The following NEGR1 variants were observed in gnomAD, a reference collection of about 807,000 sequenced individuals.
The protein encoded by NEGR1 is IgLON family member 4.
NEGR1 carries 10 observed loss-of-function variants against 40.9 expected under a neutral mutation model. That is an observed-to-expected ratio of 0.24 (90% CI 0.15 to 0.42). The LOEUF is 0.42. Among genes scored for constraint, NEGR1 ranks in the 10% least tolerant of loss-of-function variants. The pLI, the probability that NEGR1 is intolerant of heterozygous loss-of-function variation, is 1.00. For missense variants in NEGR1, 352 were observed against 438.9 expected (o/e 0.80, Z 1.77); for synonymous variants, 185 against 166.8 (o/e 1.11, Z -0.84).
chr1:71,868,501 T>A (rs1660187094), intron 2 of NEGR1, among the ~76,000 whole-genome samples: 1 of 151,876 alleles, frequency 6.6e-6, no homozygotes, highest in South Asian at 2.1e-4. Context: ...CATACATACA[T>A]ACATACATAC....
At chr1:72,185,007 C>T (rs1334402825) in intron 1 of NEGR1, among the ~76,000 whole-genome samples, 2 of 151,824 alleles carry the variant, frequency 1.3e-5, no homozygotes, top group African/African-American at 4.8e-5. Context: ...CTATAAACCT[C>T]AAACATCTTA....
intron 1 of NEGR1, among the ~76,000 whole-genome samples, chr1:72,109,222 T>C (rs1294069998): frequency 1.3e-5 from 2 of 151,684 alleles, no homozygotes; most frequent in Non-Finnish European, 3.0e-5. Flanking sequence ...CTGTGTTAAA[T>C]ATTAAAATAC....
intron 4 of NEGR1, among the ~76,000 whole-genome samples, chr1:71,644,448 GTCTTC>G (rs2101576400): frequency 6.6e-6 from 1 of 151,742 alleles, no homozygotes; most frequent in African/African-American, 2.4e-5. Context: ...CATTTACCTT[GTCTTC>G]TTTTCTATTG....
chr1:71,724,343 T>C (rs1570262043), intron 3 of NEGR1, among the ~76,000 whole-genome samples: 1 of 152,290 alleles, frequency 6.6e-6, no homozygotes, highest in East Asian at 1.9e-4. Context: ...AGATAGATGA[T>C]AGTTACATAG....
At chr1:72,033,315 A>C (rs185788271) in intron 1 of NEGR1, among the ~76,000 whole-genome samples, 2 of 152,184 alleles carry the variant, frequency 1.3e-5, no homozygotes, top group African/African-American at 4.8e-5. Flanking sequence ...AATCGGCTGA[A>C]TATTTAGCAG....
chr1:72,139,637 A>C (rs1222864654), intron 1 of NEGR1, among the ~76,000 whole-genome samples: 1 of 152,100 alleles, frequency 6.6e-6, no homozygotes, highest in Non-Finnish European at 1.5e-5. Flanking sequence ...TACTGTAAAA[A>C]ATCATTTATG....
chr1:71,770,480 T>C (rs140014796), intron 3 of NEGR1, among the ~76,000 whole-genome samples: 1 of 152,334 alleles, frequency 6.6e-6, no homozygotes, highest in Admixed American at 6.5e-5. Flanking sequence ...GTTACATTTT[T>C]AAAGCAAAAT....
chr1:71,904,969 C>T (rs1468729068), intron 2 of NEGR1, among the ~76,000 whole-genome samples: 1 of 152,074 alleles, frequency 6.6e-6, no homozygotes, highest in Non-Finnish European at 1.5e-5. Flanking sequence ...AAACGTAATA[C>T]TGCCTACAAA....
intron 1 of NEGR1, among the ~76,000 whole-genome samples, chr1:72,169,937 A>C (rs1339309940): frequency 6.6e-6 from 1 of 152,190 alleles, no homozygotes; most frequent in Non-Finnish European, 1.5e-5. Flanking sequence ...TGAAAGAAAT[A>C]ATAAAAGTAT....
intron 1 of NEGR1, among the ~76,000 whole-genome samples, chr1:72,257,347 A>G (rs1655308089): frequency 6.7e-6 from 1 of 149,974 alleles, no homozygotes; most frequent in Non-Finnish European, 1.5e-5. Flanking sequence ...AAAAAAAAGA[A>G]TAGCACATAA....
chr1:71,575,587 C>A (rs895651805), intron 6 of NEGR1, among the ~76,000 whole-genome samples: 11 of 151,910 alleles, frequency 7.2e-5, no homozygotes, highest in Non-Finnish European at 1.5e-5. Context: ...ATTGAGACCA[C>A]CCTGGCTAAC....
chr1:72,036,885 A>G lies in NEGR1; in HGVS notation c.177-101574T>C, dbSNP rs183379038. Among the ~76,000 whole-genome samples, 279 of 152,254 alleles carry G rather than the reference A, an allele frequency of 1.8e-3. 3 individuals are homozygous for G. Among genetic ancestry groups the G allele is most frequent in the African/African-American group, 6.6e-3 (276 of 41,568 alleles). ...TTGCAACAAGGTGAGATATAAATAT[A>G]TATATCAGTGTAAAATGTGTGGCAC... On this transcript the variant is annotated intron_variant, in intron 1 of 6. Transcript: ENST00000357731.
chr1:71,475,662 A>G (rs1646814777), intron 6 of NEGR1, among the ~76,000 whole-genome samples: 1 of 152,054 alleles, frequency 6.6e-6, no homozygotes, highest in Admixed American at 6.6e-5. Flanking sequence ...GAGAGATTTC[A>G]CACATATTTG....
chr1:72,189,403 T>C (rs1214412683), intron 1 of NEGR1, among the ~76,000 whole-genome samples: 3 of 151,588 alleles, frequency 2.0e-5, no homozygotes, highest in African/African-American at 4.8e-5. Context: ...TCAATGTATC[T>C]TTCAAACCCA....
intron 4 of NEGR1, among the ~76,000 whole-genome samples, chr1:71,649,140 CA>C (rs1651626168): frequency 6.6e-6 from 1 of 151,980 alleles, no homozygotes; most frequent in Admixed American, 6.6e-5. Flanking sequence ...ATGCCAATTA[CA>C]ATAAGATGTT....
chr1:72,227,757 A>G (rs1382684083), intron 1 of NEGR1, among the ~76,000 whole-genome samples: 1 of 152,082 alleles, frequency 6.6e-6, no homozygotes, highest in Non-Finnish European at 1.5e-5. Flanking sequence ...AGATGACCAT[A>G]AAAAAAGCAT....
Position 72,198,575 on chromosome 1 carries a change from C to T in NEGR1, c.176+83744G>A, listed in dbSNP as rs556125794. On this transcript the variant is annotated intron_variant, in intron 1 of 6. Transcript: ENST00000357731. ...CGTACAGCCATATCTATTCCTGATA[C>T]AAGGAGAATGCTGAATTTGATTGTC... is the stretch of plus-strand genomic sequence containing the variant. Among the ~76,000 whole-genome samples the T allele has an allele frequency of 2.6e-4, 39 of 152,144 alleles. No individual in the cohort carries two copies. In the South Asian group the frequency reaches 7.0e-3, roughly 27 times the overall value.
At chr1:71,903,330 T>C (rs572182607) in intron 2 of NEGR1, among the ~76,000 whole-genome samples, 8 of 152,130 alleles carry the variant, frequency 5.3e-5, no homozygotes, top group Admixed American at 5.2e-4. Flanking sequence ...CAATAAGTAA[T>C]TCTATCACAA....
intron 1 of NEGR1, among the ~76,000 whole-genome samples, chr1:72,091,386 TCCTC>T (rs1169292857): frequency 1.5e-5 from 2 of 130,020 alleles, no homozygotes; most frequent in Non-Finnish European, 3.3e-5. Flanking sequence ...GTTCCTCCTT[TCCTC>T]CCTCCCTCCC....
Sources: allele counts gnomAD v4.1 joint callset (sites outside exome capture counted in the v4.1 genomes callset), GRCh38; gene constraint gnomAD v4.1.1; transcripts MANE v1.5; gene names NCBI Gene and HGNC (gene_info 2026-07-23, HGNC 2026-07-21).